KCNQ5: variants seen among roughly 807,000 people sequenced by gnomAD.
The protein encoded by KCNQ5 is potassium voltage-gated channel subfamily KQT member 5.
Under a neutral mutation model 98.2 loss-of-function variants are expected in KCNQ5, and 30 were observed. The ratio of observed to expected loss-of-function variants is 0.31; its 90% CI spans 0.23 to 0.41. The LOEUF is 0.41. KCNQ5 is among the 10% of genes least tolerant of loss of function. The probability of loss-of-function intolerance (pLI) is 1.00; values close to 1 mark genes in which losing one functional copy is unlikely to be tolerated. For missense variants in KCNQ5, 835 were observed against 1,182.5 expected (o/e 0.71, Z 4.31); for synonymous variants, 458 against 449.4 (o/e 1.02, Z -0.24).
At chr6:72,918,089 G>A (rs1298765746) in intron 1 of KCNQ5, among the ~76,000 whole-genome samples, 1 of 152,158 alleles carries the variant, frequency 6.6e-6, no homozygotes, top group Non-Finnish European at 1.5e-5. Flanking sequence ...AGGGGGAACA[G>A]ACTGTATGCA....
intron 2 of KCNQ5, among the ~76,000 whole-genome samples, chr6:73,015,570 T>C (rs1159217730): frequency 6.6e-6 from 1 of 152,112 alleles, no homozygotes; most frequent in Admixed American, 6.6e-5. Context: ...GTCCAGGCTA[T>C]GCTACCAAAC....
chr6:73,042,039 C>T lies in KCNQ5; in HGVS notation c.593C>T (p.Ala198Val). The T allele has an allele frequency of 6.2e-7, 1 of 1,613,888 alleles. No individual in the cohort carries two copies. The highest frequency in any genetic ancestry group is 2.2e-5 in the East Asian group (1 of 44,880). ...YRGWQGRLRF[A>V]RKPFCVIDTI... Reference sequence around the variant, plus strand: ...GGATGGCAAGGAAGACTGAGGTTTGCTCGAAAGCCCTTCTGTGTTATAGGT... The same window carrying T: ...GGATGGCAAGGAAGACTGAGGTTTGTTCGAAAGCCCTTCTGTGTTATAGGT... Residue 198 changes from alanine (A) to valine (V), a missense_variant, in exon 3 of 14, where the codon GCT (alanine) becomes GTT (valine). By Grantham distance (64) the Ala-to-Val change is moderately conservative. This residue lies in a region of KCNQ5 where 48 missense variants were observed against 112.1 expected (regional missense o/e 0.43). Coordinates refer to ENST00000370398, the MANE Select transcript of KCNQ5 (RefSeq NM_019842.4).
chr6:72,940,981 C>A (rs1428913278), intron 1 of KCNQ5, among the ~76,000 whole-genome samples: 1 of 151,862 alleles, frequency 6.6e-6, no homozygotes, highest in Non-Finnish European at 1.5e-5. Flanking sequence ...AATTAGATGA[C>A]TGAAAAAAAA....
chr6:73,034,134 T>C (rs539201020), intron 2 of KCNQ5, among the ~76,000 whole-genome samples: 1 of 152,346 alleles, frequency 6.6e-6, no homozygotes, highest in East Asian at 1.9e-4. Flanking sequence ...TAGTAGAATT[T>C]TCCAAATTAC....
rs70994161 is a variant in KCNQ5, at chr6:73,097,142, C to CATATATAT, written c.919-8105_919-8098dup. ...ATTCACCACACTGTGCAATAGATCTCATATATATATATATATACACACACA... is the reference window on the plus strand; with the variant it reads ...ATTCACCACACTGTGCAATAGATCTCATATATATATATATATATATATATACACACACA... On this transcript the variant is annotated intron_variant, in intron 5 of 13. Transcript: ENST00000370398. Among the ~76,000 whole-genome samples, 366 of 121,896 alleles carry CATATATAT rather than the reference C, an allele frequency of 3.0e-3. 2 individuals carry two copies. The highest frequency in any genetic ancestry group is 9.0e-3 in the African/African-American group (337 of 37,528). The allele number at this position is 121,896 out of a possible 152,430, so 80.0% of individuals were successfully genotyped here. A position where few individuals can be genotyped will look rare whatever the true frequency, so the allele number is the denominator to read the frequency against.
intron 1 of KCNQ5, among the ~76,000 whole-genome samples, chr6:72,922,713 C>T (rs1450380134): frequency 6.6e-6 from 1 of 151,870 alleles, no homozygotes; most frequent in Admixed American, 6.6e-5. Flanking sequence ...CCAGTTTCAT[C>T]CATGTTTTGG....
In KCNQ5 at chr6:72,653,106, A is replaced by T. The variant is rs569253200; in HGVS notation, c.398+30519A>T. ...ATAAGAGTGGCTTTCATTTTTTTTT[A>T]AAAAAGAGACCTCTCCCTTGGATTT... On this transcript the variant is annotated intron_variant, in intron 1 of 13. Transcript: ENST00000370398. 1.7e-3 allele frequency among the ~76,000 whole-genome samples: 257 copies of T among 151,730 alleles called. 2 individuals carry two copies. The highest frequency in any genetic ancestry group is 5.6e-3 in the African/African-American group (231 of 41,444).
chr6:73,142,078 TTGCCTGAATGTCCATATGACA>T (rs1776738397), intron 10 of KCNQ5, among the ~76,000 whole-genome samples: 1 of 152,176 alleles, frequency 6.6e-6, no homozygotes, highest in Admixed American at 6.5e-5. Flanking sequence ...ACACCCTAGG[TTGCCTGAATGTCCATATGACA>T]TGCAGCTGGC....
Position 73,077,425 on chromosome 6 carries a change from C to A in KCNQ5, c.720C>A (p.Leu240=). 6.2e-7 allele frequency: 1 copy of A among 1,614,190 alleles called. No homozygotes were observed. The highest frequency in any genetic ancestry group is 8.5e-7 in the Non-Finnish European group (1 of 1,180,028). ...ALRSLRFLQI[L]RMVRMDRRGG... is the part of the protein sequence containing the mutation. ...GAAGTCTCCGTTTCCTACAGATCCT[C>A]CGCATGGTGCGCATGGACCGAAGGG... The change falls in exon 4 of 14, where the codon CTC becomes CTA. Residue 240 remains leucine, a synonymous_variant. Transcript: ENST00000370398.
intron 1 of KCNQ5, among the ~76,000 whole-genome samples, chr6:72,760,718 T>A (rs1347833568): frequency 6.6e-6 from 1 of 152,138 alleles, no homozygotes; most frequent in Admixed American, 6.6e-5. Context: ...TTCTACCCAT[T>A]TTCTATAATG....
At chr6:72,635,100 C>T (rs1403813629) in intron 1 of KCNQ5, among the ~76,000 whole-genome samples, 1 of 150,760 alleles carries the variant, frequency 6.6e-6, no homozygotes, top group Non-Finnish European at 1.5e-5. Flanking sequence ...AATCACAGCT[C>T]ACTGCAGCCT....
At chr6:72,949,762 A>G (rs1582072447) in intron 1 of KCNQ5, among the ~76,000 whole-genome samples, 3 of 152,222 alleles carry the variant, frequency 2.0e-5, no homozygotes, top group Admixed American at 1.3e-4. Context: ...ATAAATCATT[A>G]TGGGAATAAA....
Position 73,186,982 on chromosome 6 carries a change from C to T in KCNQ5, c.1578-3591C>T, listed in dbSNP as rs563239784. On this transcript the variant is annotated intron_variant, in intron 11 of 13. Coordinates refer to ENST00000370398, the MANE Select transcript of KCNQ5 (RefSeq NM_019842.4). ...ACAGGCCCTGGGAAGTGATGTTCCC[C>T]GCCCTGTGCCCAAGTGTTCTCATTG... 3.3e-5 allele frequency among the ~76,000 whole-genome samples: 5 copies of T among 152,104 alleles called. No individual in the cohort carries two copies. The East Asian group carries it at 5.8e-4, about 18-fold the overall frequency.
chr6:72,734,158 C>G (rs905288700), intron 1 of KCNQ5, among the ~76,000 whole-genome samples: 1 of 152,156 alleles, frequency 6.6e-6, no homozygotes, highest in Non-Finnish European at 1.5e-5. Context: ...AAGTGAGAAG[C>G]GAGCTGTAAC....
intron 1 of KCNQ5, among the ~76,000 whole-genome samples, chr6:72,789,919 C>T (rs1180166563): frequency 6.6e-6 from 1 of 152,166 alleles, no homozygotes; most frequent in Non-Finnish European, 1.5e-5. Context: ...ACAAAATGCA[C>T]TTACGTTTCA....
intron 1 of KCNQ5, among the ~76,000 whole-genome samples, chr6:72,979,322 C>G (rs142973062): frequency 2.0e-5 from 3 of 152,226 alleles, no homozygotes; most frequent in Admixed American, 2.0e-4. Context: ...TTCTCCACAT[C>G]CTCTCCAGCA....
At chr6:73,084,849 G>T (rs1773917815) in intron 5 of KCNQ5, among the ~76,000 whole-genome samples, 1 of 152,134 alleles carries the variant, frequency 6.6e-6, no homozygotes, top group African/African-American at 2.4e-5. Flanking sequence ...GGTTCTACCA[G>T]TGAAAAGATT....
chr6:72,844,058 T>C (rs1362250363), intron 1 of KCNQ5, among the ~76,000 whole-genome samples: 2 of 152,184 alleles, frequency 1.3e-5, no homozygotes, highest in African/African-American at 2.4e-5. Context: ...CTAATGTAGA[T>C]GACGGTTTGA....
intron 1 of KCNQ5, among the ~76,000 whole-genome samples, chr6:72,982,959 G>C (rs1019723514): frequency 1.3e-5 from 2 of 152,122 alleles, no homozygotes; most frequent in African/African-American, 2.4e-5. Context: ...TGAAATTCTG[G>C]GTTGAAAATT....
Sources: allele counts gnomAD v4.1 joint callset (sites outside exome capture counted in the v4.1 genomes callset), GRCh38; gene constraint gnomAD v4.1.1; regional missense constraint gnomAD v4.1.1; transcripts MANE v1.5; gene names NCBI Gene and HGNC (gene_info 2026-07-23, HGNC 2026-07-21).